SLC35F4: variants seen among roughly 807,000 people sequenced by gnomAD.
The protein encoded by SLC35F4 is chromosome 14 open reading frame 36.
Under a neutral mutation model 44.2 loss-of-function variants are expected in SLC35F4, and 24 were observed. The ratio of observed to expected loss-of-function variants is 0.54; its 90% CI spans 0.39 to 0.76. The LOEUF is 0.76. SLC35F4 is among the 30% of genes least tolerant of loss of function. The pLI is 0.00. For missense variants in SLC35F4, 562 were observed against 586.1 expected, an observed-to-expected ratio of 0.96 and a Z score of 0.42; for synonymous variants, 238 against 223.6, an observed-to-expected ratio of 1.06 and a Z score of -0.57.
At chr14:57,952,154 G>A (rs1890153323) in intron 1 of SLC35F4, among the ~76,000 whole-genome samples, 1 of 152,188 alleles carries the variant, frequency 6.6e-6, no homozygotes, top group Non-Finnish European at 1.5e-5. Flanking sequence ...AGGGTCTGGA[G>A]TGGACCTCCA....
At chr14:57,741,985 T>C (rs1448691082) in intron 1 of SLC35F4, among the ~76,000 whole-genome samples, 1 of 152,090 alleles carries the variant, frequency 6.6e-6, no homozygotes, top group Non-Finnish European at 1.5e-5. Flanking sequence ...GCTTCATAAG[T>C]GGAGGAGAAA....
chr14:57,807,442 C>A lies in SLC35F4; in HGVS notation c.103+58281G>T, dbSNP rs866959772. 7.9e-5 allele frequency among the ~76,000 whole-genome samples: 12 copies of A among 151,934 alleles called. 1 individual carries two copies. Among genetic ancestry groups the A allele is most frequent in the Middle Eastern group, 3.2e-3 (1 of 316 alleles). On this transcript the variant is annotated intron_variant, in intron 1 of 7. Coordinates refer to ENST00000556826, the MANE Select transcript of SLC35F4 (RefSeq NM_001306087.2). ...CAAGCAGGAAACAGGCAATTTTTGG[C>A]CCCATCTTTATGCTGTTTTACATCT...
intron 1 of SLC35F4, among the ~76,000 whole-genome samples, chr14:57,680,110 C>T (rs1251913272): frequency 6.6e-6 from 1 of 151,920 alleles, no homozygotes; most frequent in East Asian, 1.9e-4. Context: ...TGAACATTGA[C>T]ACAAAAATTC....
Position 57,589,234 on chromosome 14 carries a change from G to GA in SLC35F4, c.568dup (p.Ser190PhefsTer15). The GA allele has an allele frequency of 6.2e-7, 1 of 1,605,732 alleles. No individual in the cohort carries two copies. Among genetic ancestry groups the GA allele is most frequent in the Non-Finnish European group, 8.5e-7 (1 of 1,176,228 alleles). ...AACCTACCTGAATTTTTTCATTGGA[G>GA]ATTGCTTTTCTTGAGCAGTGGCTAG... On this transcript the variant is annotated frameshift_variant, in exon 3 of 8. Transcript: ENST00000556826. LOFTEE classifies it high-confidence loss of function.
At chr14:57,576,045 G>C (rs774678054) in intron 4 of SLC35F4, among the ~76,000 whole-genome samples, 3 of 151,646 alleles carry the variant, frequency 2.0e-5, no homozygotes, top group Non-Finnish European at 2.9e-5. Context: ...GCCCACAAAG[G>C]TTTGGTCCTT....
At chr14:57,928,320 C>T (rs949590796) in intron 1 of SLC35F4, among the ~76,000 whole-genome samples, 1 of 152,194 alleles carries the variant, frequency 6.6e-6, no homozygotes, top group Admixed American at 6.5e-5. Context: ...ACTAAGGAGG[C>T]ACTCCTCTTT....
At chr14:57,813,069 A>G (rs1484139192) in intron 1 of SLC35F4, among the ~76,000 whole-genome samples, 1 of 152,204 alleles carries the variant, frequency 6.6e-6, no homozygotes, top group Non-Finnish European at 1.5e-5. Context: ...TCAGATGAGG[A>G]AACAGGCACA....
intron 1 of SLC35F4, among the ~76,000 whole-genome samples, chr14:57,840,609 T>A (rs1479806648): frequency 6.6e-6 from 1 of 152,068 alleles, no homozygotes; most frequent in East Asian, 1.9e-4. Context: ...GTACCTCTCA[T>A]CCTCGTTCAT....
At chr14:57,601,445 A>C (rs2070820237) in intron 1 of SLC35F4, among the ~76,000 whole-genome samples, 1 of 152,084 alleles carries the variant, frequency 6.6e-6, no homozygotes, top group Non-Finnish European at 1.5e-5. Context: ...CCCAACATTA[A>C]GTTTTTCAAC....
chr14:57,769,318 C>T (rs972398393), intron 1 of SLC35F4, among the ~76,000 whole-genome samples: 2 of 152,094 alleles, frequency 1.3e-5, no homozygotes, highest in African/African-American at 4.8e-5. Flanking sequence ...GCTTTGAGCT[C>T]AGCCTCAAGA....
intron 1 of SLC35F4, among the ~76,000 whole-genome samples, chr14:57,889,254 G>A (rs1888710866): frequency 6.6e-6 from 1 of 152,208 alleles, no homozygotes; most frequent in Admixed American, 6.5e-5. Flanking sequence ...GCCATGCGGT[G>A]CAGCAGCAGG....
intron 1 of SLC35F4, among the ~76,000 whole-genome samples, chr14:57,640,109 C>A (rs1202333073): frequency 6.6e-6 from 1 of 151,898 alleles, no homozygotes; most frequent in Admixed American, 6.6e-5. Flanking sequence ...GAAAGGCAGG[C>A]ACAAGAGGGA....
intron 1 of SLC35F4, among the ~76,000 whole-genome samples, chr14:57,841,713 T>C (rs1206805963): frequency 6.6e-6 from 1 of 152,118 alleles, no homozygotes; most frequent in East Asian, 1.9e-4. Flanking sequence ...AATTTGGCAG[T>C]GGAGATTATA....
intron 1 of SLC35F4, among the ~76,000 whole-genome samples, chr14:57,730,556 G>T (rs1201556106): frequency 6.6e-6 from 1 of 152,148 alleles, no homozygotes; most frequent in Non-Finnish European, 1.5e-5. Context: ...TAGAAAGATT[G>T]TAATTGAGGT....
chr14:57,865,063 C>A (rs1211338050), intron 1 of SLC35F4, among the ~76,000 whole-genome samples: 4 of 150,786 alleles, frequency 2.7e-5, no homozygotes, highest in South Asian at 2.1e-4. Context: ...CTCAGACCCC[C>A]CCCCCCCACG....
intron 1 of SLC35F4, among the ~76,000 whole-genome samples, chr14:57,737,016 G>A (rs537891697): frequency 2.0e-5 from 3 of 151,756 alleles, no homozygotes; most frequent in Non-Finnish European, 4.4e-5. Flanking sequence ...TATCTCAAGG[G>A]GTCAGATGCT....
intron 1 of SLC35F4, among the ~76,000 whole-genome samples, chr14:57,668,452 T>C (rs1272599670): frequency 6.6e-6 from 1 of 152,130 alleles, no homozygotes; most frequent in Admixed American, 6.5e-5. Flanking sequence ...TCTAGGGTTT[T>C]TATGGTTTTA....
intron 1 of SLC35F4, among the ~76,000 whole-genome samples, chr14:57,811,833 T>C (rs1019486968): frequency 6.6e-6 from 1 of 152,012 alleles, no homozygotes; most frequent in African/African-American, 2.4e-5. Context: ...AATTTAAAAA[T>C]TAGCTGGGCG....
chr14:57,842,250 C>T (rs868427130), intron 1 of SLC35F4, among the ~76,000 whole-genome samples: 10 of 152,272 alleles, frequency 6.6e-5, no homozygotes, highest in African/African-American at 2.4e-4. Flanking sequence ...CAGTTCATAG[C>T]AGTTAAGTGA....
Sources: gnomAD v4.1 joint callset for allele counts (sites outside exome capture counted in the v4.1 genomes callset) on GRCh38, gnomAD v4.1.1 for gene constraint, MANE v1.5 for transcripts, NCBI Gene and HGNC (gene_info 2026-07-23, HGNC 2026-07-21) for gene names.